The following EDA variants were observed in gnomAD, a reference collection of about 807,000 sequenced individuals.
EDA encodes the protein ectodysplasin-A.
A neutral mutation model predicts 23.6 loss-of-function variants in EDA; 2 were observed. That is an observed-to-expected ratio of 0.08 (90% CI 0.03 to 0.27). The LOEUF is 0.27. Ranked by LOEUF, EDA falls within the 10% of genes least tolerant of loss-of-function variation. EDA has a pLI of 1.00. For missense variants in EDA, 229 were observed against 324.2 expected (o/e 0.71, Z 2.26); for synonymous variants, 131 against 132.0 (o/e 0.99, Z 0.05).
chrX:69,869,118 C>T (rs1028036789), intron 1 of EDA, among the ~76,000 whole-genome samples: 3 of 111,763 alleles, frequency 2.7e-5, no homozygotes, highest in African/African-American at 9.8e-5. Flanking sequence ...TGGCCTTTCT[C>T]ACCATAGTAG....
intron 1 of EDA, among the ~76,000 whole-genome samples, chrX:69,773,907 G>A (rs2014706053): frequency 8.9e-6 from 1 of 111,751 alleles, no homozygotes; most frequent in African/African-American, 3.3e-5. Context: ...TTTTGTGGGT[G>A]CTGGATATTT....
At chrX:69,745,594 A>G (rs1284533319) in intron 1 of EDA, among the ~76,000 whole-genome samples, 2 of 112,408 alleles carry the variant, frequency 1.8e-5, no homozygotes, top group Non-Finnish European at 3.8e-5. Context: ...GAGACCCTGC[A>G]AATAAAATAC....
Position 69,821,049 on chromosome X carries a change from T to C in EDA, c.397-135978T>C, listed in dbSNP as rs896579306. 9.0e-5 allele frequency among the ~76,000 whole-genome samples: 10 copies of C among 111,523 alleles called. No individual in the cohort carries two copies. The Admixed American group carries it at 9.6e-4, about 11-fold the overall frequency. On this transcript the variant is annotated intron_variant, in intron 1 of 7. Transcript: ENST00000374552. ...GGTATATATACACCATGGAATACTA[T>C]GCAGCCATAAAAAGGAACAAGATCA...
At chrX:69,779,529 G>A (rs2014879588) in intron 1 of EDA, among the ~76,000 whole-genome samples, 1 of 111,149 alleles carries the variant, frequency 9.0e-6, no homozygotes, top group Admixed American at 9.6e-5. Context: ...GAGGTAGATA[G>A]AAATAGGGAA....
chrX:70,028,067 G>A, intron 4 of EDA, 31 bp downstream of exon 4: 2 of 1,192,805 alleles, frequency 1.7e-6, no homozygotes, highest in Non-Finnish European at 2.3e-6. Context: ...ACCCCACCAG[G>A]TGCCTTTAAA....
chrX:69,805,014 A>T (rs1669723446), intron 1 of EDA, among the ~76,000 whole-genome samples: 1 of 111,584 alleles, frequency 9.0e-6, no homozygotes, highest in Non-Finnish European at 1.9e-5. Flanking sequence ...TAGCACTTTC[A>T]GGACTAAAAC....
At chrX:69,655,762 C>CTATATATATATATATA (rs3077261) in intron 1 of EDA, among the ~76,000 whole-genome samples, 830 of 52,376 alleles carry the variant, frequency 0.016, 51 homozygotes, top group Non-Finnish European at 0.018. Context: ...TCATTAGAAT[C>CTATATATATATATATA]TATATATATA....
At chrX:69,889,022 T>TATATATATATATATA (rs2017882922) in intron 1 of EDA, among the ~76,000 whole-genome samples, 1 of 27,668 alleles carries the variant, frequency 3.6e-5, no homozygotes, top group Non-Finnish European at 7.1e-5. Context: ...ATATATATAT[T>TATATATATATATATA]ATGTTTTTCC....
At chrX:69,956,546 G>A (rs1473779217) in intron 1 of EDA, among the ~76,000 whole-genome samples, 1 of 109,823 alleles carries the variant, frequency 9.1e-6, no homozygotes, top group African/African-American at 3.3e-5. Context: ...GTTTCACCAT[G>A]TTGGTCAGGC....
intron 1 of EDA, among the ~76,000 whole-genome samples, chrX:69,751,206 G>A (rs1052444928): frequency 0.018 from 3 of 167 alleles, no homozygotes; most frequent in Admixed American, 0.13. Context: ...TTAGTATAAG[G>A]TGTAAGGAAG....
chrX:69,721,818 C>T (rs2012593309), intron 1 of EDA, among the ~76,000 whole-genome samples: 1 of 111,613 alleles, frequency 9.0e-6, no homozygotes, highest in Non-Finnish European at 1.9e-5. Flanking sequence ...TTGGTTGTCT[C>T]TTATGTCATT....
chrX:69,726,879 C>T lies in EDA; in HGVS notation c.396+110175C>T, dbSNP rs1279299865. Among the ~76,000 whole-genome samples, 5 of 112,259 alleles carry T rather than the reference C, an allele frequency of 4.5e-5. No homozygotes were observed. The East Asian group carries it at 1.1e-3, about 25-fold the overall frequency. The stretch of plus-strand genomic sequence containing the variant: ...GGCTCTGGCCCCATGGTAGCATCCA[C>T]GGGTGTGTTACAATTAATGCTCTTT... On this transcript the variant is annotated intron_variant, in intron 1 of 7. Coordinates refer to ENST00000374552, the MANE Select transcript of EDA (RefSeq NM_001399.5).
chrX:69,697,411 G>T (rs917738490), intron 1 of EDA, among the ~76,000 whole-genome samples: 1 of 111,353 alleles, frequency 9.0e-6, no homozygotes, highest in African/African-American at 3.3e-5. Context: ...AGGCCCTGGG[G>T]AGAATCTTTC....
intron 1 of EDA, among the ~76,000 whole-genome samples, chrX:69,690,742 T>A (rs1374197888): frequency 8.9e-6 from 1 of 112,058 alleles, no homozygotes; most frequent in East Asian, 2.8e-4. Flanking sequence ...CTAGAATTCA[T>A]CAGGGAAGCC....
At chrX:70,011,613 G>A (rs111329440) in intron 2 of EDA, among the ~76,000 whole-genome samples, 2,446 of 111,198 alleles carry the variant, frequency 0.022, 72 homozygotes, top group African/African-American at 0.075. Context: ...TTATTTTACC[G>A]TCATTTATTT....
chrX:69,745,952 A>G (rs1278594609), intron 1 of EDA, among the ~76,000 whole-genome samples: 3 of 111,696 alleles, frequency 2.7e-5, no homozygotes, highest in Non-Finnish European at 3.8e-5. Context: ...ACACCACTGC[A>G]CTGCAGCCTG....
chrX:69,864,106 A>G (rs1419587965), intron 1 of EDA, among the ~76,000 whole-genome samples: 1 of 111,443 alleles, frequency 9.0e-6, no homozygotes, highest in East Asian at 2.8e-4. Flanking sequence ...GTTTTATAGA[A>G]GTATAATTTA....
At chrX:69,905,688 T>C (rs2018167759) in intron 1 of EDA, among the ~76,000 whole-genome samples, 1 of 111,737 alleles carries the variant, frequency 8.9e-6, no homozygotes, top group Non-Finnish European at 1.9e-5. Context: ...GAAAATGATA[T>C]GGATATAGTA....
intron 1 of EDA, among the ~76,000 whole-genome samples, chrX:69,762,389 G>A (rs1157712302): frequency 8.9e-6 from 1 of 111,758 alleles, no homozygotes; most frequent in African/African-American, 3.3e-5. Flanking sequence ...CCCTTTCTTG[G>A]TTCACTTGTC....
Sources: allele counts gnomAD v4.1 joint callset (sites outside exome capture counted in the v4.1 genomes callset), GRCh38; gene constraint gnomAD v4.1.1; transcripts MANE v1.5; gene names NCBI Gene and HGNC (gene_info 2026-07-23, HGNC 2026-07-21).